The following WWC2 variants were observed in gnomAD, a reference collection of about 807,000 sequenced individuals.
WWC2 encodes the protein WW and C2 domain containing 2, also known as protein WWC2.
WWC2 carries 101 observed loss-of-function variants against 138.5 expected under a neutral mutation model. The ratio of observed to expected loss-of-function variants is 0.73; its 90% CI spans 0.62 to 0.86. The LOEUF is 0.86. Among genes scored for constraint, WWC2 ranks in the 40% least tolerant of loss-of-function variants. The probability of loss-of-function intolerance (pLI) is 0.00; values close to 1 mark genes in which losing one functional copy is unlikely to be tolerated. For synonymous variants in WWC2, 558 were observed against 538.4 expected (o/e 1.04, Z -0.50); for missense variants, 1,420 against 1,419.4 (o/e 1.00, Z -0.01).
intron 1 of WWC2, among the ~76,000 whole-genome samples, chr4:183,113,515 T>TGTGTGTGTGCGC (rs371819502): frequency 1.6e-5 from 2 of 126,644 alleles, no homozygotes; most frequent in African/African-American, 6.0e-5. Context: ...TGTGTGTGTG[T>TGTGTGTGTGCGC]GCGCGCGCGT....
At chr4:183,113,789 G>A (rs1732326894) in intron 1 of WWC2, among the ~76,000 whole-genome samples, 2 of 148,794 alleles carry the variant, frequency 1.3e-5, no homozygotes, top group African/African-American at 5.0e-5. Context: ...TTTTTAGTGA[G>A]ATAATCTGGA....
At chr4:183,220,850 A>T (rs1328143695) in intron 4 of WWC2, among the ~76,000 whole-genome samples, 1 of 152,096 alleles carries the variant, frequency 6.6e-6, no homozygotes, top group Non-Finnish European at 1.5e-5. Flanking sequence ...AAAAAAAAAA[A>T]AAAGGTAACA....
At chr4:183,238,786 G>A (rs1736514246) in intron 4 of WWC2, among the ~76,000 whole-genome samples, 1 of 152,070 alleles carries the variant, frequency 6.6e-6, no homozygotes, top group Non-Finnish European at 1.5e-5. Flanking sequence ...CCTGAACTTA[G>A]AGCACCTTTG....
intron 1 of WWC2, among the ~76,000 whole-genome samples, chr4:183,182,129 AT>A (rs756288622): frequency 6.6e-4 from 101 of 152,294 alleles, no homozygotes; most frequent in Non-Finnish European, 1.3e-3. Context: ...GGTTATAGAG[AT>A]TTTTTAAAGT....
intron 21 of WWC2, among the ~76,000 whole-genome samples, chr4:183,298,173 A>G (rs1424163483): frequency 6.6e-6 from 1 of 152,228 alleles, no homozygotes; most frequent in Non-Finnish European, 1.5e-5. Context: ...GATACATCTA[A>G]ATAAAATTAA....
At chr4:183,214,630 T>C (rs1735700313) in intron 4 of WWC2, among the ~76,000 whole-genome samples, 1 of 151,892 alleles carries the variant, frequency 6.6e-6, no homozygotes, top group Admixed American at 6.6e-5. Context: ...CCGTCTCTAC[T>C]AAAAATACAA....
At chr4:183,279,431 A>C (rs1272492195) in intron 16 of WWC2, among the ~76,000 whole-genome samples, 1 of 152,068 alleles carries the variant, frequency 6.6e-6, no homozygotes, top group Admixed American at 6.5e-5. Flanking sequence ...ATTGGTCTAA[A>C]ATTCTCTTTT....
intron 1 of WWC2, among the ~76,000 whole-genome samples, chr4:183,144,944 G>C (rs1733406979): frequency 6.6e-6 from 1 of 152,184 alleles, no homozygotes; most frequent in Admixed American, 6.5e-5. Context: ...ATTTGGTTTT[G>C]TTTAGCTGTC....
intron 2 of WWC2, among the ~76,000 whole-genome samples, chr4:183,204,560 A>G (rs958307019): frequency 2.6e-5 from 4 of 152,186 alleles, no homozygotes; most frequent in Non-Finnish European, 5.9e-5. Flanking sequence ...ATCAGTCATC[A>G]TCAGTCATTC....
chr4:183,104,094 G>A (rs1483688893), intron 1 of WWC2, among the ~76,000 whole-genome samples: 3 of 152,058 alleles, frequency 2.0e-5, no homozygotes, highest in Non-Finnish European at 4.4e-5. Flanking sequence ...CGAGTAGCTG[G>A]GATTACAGGC....
intron 1 of WWC2, among the ~76,000 whole-genome samples, chr4:183,117,000 C>G (rs1732432840): frequency 6.6e-6 from 1 of 152,064 alleles, no homozygotes; most frequent in South Asian, 2.1e-4. Context: ...CCTCTTCATT[C>G]CTGTCCTGTC....
chr4:183,313,849 C>T (rs138425699), intron 22 of WWC2, among the ~76,000 whole-genome samples: 30 of 149,668 alleles, frequency 2.0e-4, no homozygotes, highest in African/African-American at 6.7e-4. Flanking sequence ...CATCCGGGAT[C>T]CCTGGTGAGC....
intron 1 of WWC2, among the ~76,000 whole-genome samples, chr4:183,117,997 G>C (rs188151569): frequency 6.6e-6 from 1 of 150,646 alleles, no homozygotes; most frequent in African/African-American, 2.4e-5. Flanking sequence ...ACGGGGTTTC[G>C]CCATGTTGGC....
chr4:183,137,820 T>C lies in WWC2; in HGVS notation c.131+38198T>C, dbSNP rs745659518. ...GGCCTATAGTCTTATGGAACCAAAA[T>C]GTCATTGTGTAGTACATGACTGTAC... On this transcript the variant is annotated intron_variant, in intron 1 of 22. Transcript: ENST00000403733. 2.4e-3 allele frequency among the ~76,000 whole-genome samples: 360 copies of C among 152,316 alleles called. 5 individuals are homozygous for C. Among genetic ancestry groups the C allele is most frequent in the Non-Finnish European group, 4.2e-3 (284 of 68,020 alleles).
rs146044051 is a variant in WWC2 at position 183,281,639 on chromosome 4, CTT to C, written c.2684+746_2684+747del. Among the ~76,000 whole-genome samples, 172 of 152,136 alleles carry C rather than the reference CTT, an allele frequency of 1.1e-3. 2 individuals are homozygous for C. The East Asian group carries it at 0.03, about 27-fold the overall frequency. Reference sequence around the variant, plus strand: ...CATTTGTATGTGTGTATATAGAAAACTTTTTAGAAACTTAGAGTGACACGATA... The same window carrying C: ...CATTTGTATGTGTGTATATAGAAAACTTTAGAAACTTAGAGTGACACGATA... On this transcript the variant is annotated intron_variant, in intron 17 of 22. Transcript: ENST00000403733.
chr4:183,156,659 T>C (rs1334564152), intron 1 of WWC2, among the ~76,000 whole-genome samples: 3 of 152,182 alleles, frequency 2.0e-5, no homozygotes, highest in African/African-American at 7.2e-5. Flanking sequence ...TTCTCCCATC[T>C]ACTCTGCAGT....
At chr4:183,282,187 A>G (rs900098244) in intron 17 of WWC2, among the ~76,000 whole-genome samples, 1 of 152,186 alleles carries the variant, frequency 6.6e-6, no homozygotes, top group Admixed American at 6.5e-5. Flanking sequence ...TTATAATGCC[A>G]CTTCAGCCCA....
intron 17 of WWC2, chr4:183,282,463 G>A (rs1018666779): frequency 3.7e-6 from 2 of 535,610 alleles, no homozygotes; most frequent in Non-Finnish European, 6.6e-6. Context: ...ATATCTAGAA[G>A]TTAGGTTAAA....
chr4:183,198,591 A>T (rs4626244), intron 2 of WWC2, among the ~76,000 whole-genome samples: 2 of 151,910 alleles, frequency 1.3e-5, no homozygotes, highest in Admixed American at 6.6e-5. Flanking sequence ...AATTTTTTGC[A>T]CCATGATATC....
Sources: allele counts gnomAD v4.1 joint callset (sites outside exome capture counted in the v4.1 genomes callset), GRCh38; gene constraint gnomAD v4.1.1; transcripts MANE v1.5; gene names NCBI Gene and HGNC (gene_info 2026-07-23, HGNC 2026-07-21).